Variants in NRXN1 observed in about 807,000 individuals in gnomAD.
NRXN1 encodes the protein neurexin-1.
Under a neutral mutation model 150.9 loss-of-function variants are expected in NRXN1, and 39 were observed. The observed-to-expected ratio is 0.26, with a 90% CI of 0.20 to 0.34. The LOEUF is 0.34. Among genes scored for constraint, NRXN1 ranks in the 10% least tolerant of loss-of-function variants. The probability of loss-of-function intolerance (pLI) is 1.00; values close to 1 mark genes in which losing one functional copy is unlikely to be tolerated. For missense variants in NRXN1, 1,815 were observed against 1,949.9 expected, an observed-to-expected ratio of 0.93 and a Z score of 1.30; for synonymous variants, 924 against 757.0, an observed-to-expected ratio of 1.22 and a Z score of -3.62.
chr2:50,912,028 A>G (rs1684597522), intron 5 of NRXN1, among the ~76,000 whole-genome samples: 1 of 151,874 alleles, frequency 6.6e-6, no homozygotes, highest in Non-Finnish European at 1.5e-5. Flanking sequence ...TTTATTATCA[A>G]AAAAAGTCTT....
At chr2:50,277,871 C>T (rs1042008841) in intron 17 of NRXN1, among the ~76,000 whole-genome samples, 5 of 151,752 alleles carry the variant, frequency 3.3e-5, no homozygotes, top group Non-Finnish European at 7.4e-5. Flanking sequence ...ATACAATCTA[C>T]CTTGATCAGA....
intron 17 of NRXN1, among the ~76,000 whole-genome samples, chr2:50,410,970 G>T (rs998505455): frequency 1.3e-5 from 2 of 152,166 alleles, no homozygotes; most frequent in East Asian, 1.9e-4. Flanking sequence ...AAACATTTGC[G>T]TGTTTCCTTT....
chr2:50,404,497 CAA>C, intron 17 of NRXN1, among the ~76,000 whole-genome samples: 1 of 152,164 alleles, frequency 6.6e-6, no homozygotes, highest in East Asian at 1.9e-4. Context: ...ATTTAAGACA[CAA>C]AGAGTTTTAG....
chr2:50,178,432 C>G lies in NRXN1; in HGVS notation c.3546+58357G>C, dbSNP rs530389414. On this transcript the variant is annotated intron_variant, in intron 18 of 22. Transcript: ENST00000401669. ...TTCTTCATTAAAAGTCAATTCTTGC[C>G]AACTTTTTCATGCTACTTTTTTTCT... 2.6e-5 allele frequency among the ~76,000 whole-genome samples: 4 copies of G among 152,062 alleles called. No individual in the cohort carries two copies. The East Asian group carries it at 7.8e-4, about 30-fold the overall frequency.
At chr2:50,179,602 T>C (rs2060571917) in intron 18 of NRXN1, among the ~76,000 whole-genome samples, 1 of 152,140 alleles carries the variant, frequency 6.6e-6, no homozygotes, top group Non-Finnish European at 1.5e-5. Flanking sequence ...ACAGGAGCTT[T>C]TGTGAATTCA....
At position 50,045,562 on chromosome 2, in the gene NRXN1, G is replaced by A. The variant is rs561294052; in HGVS notation, c.4128+7709C>T. Among the ~76,000 whole-genome samples, 18 of 152,176 alleles carry A rather than the reference G, an allele frequency of 1.2e-4. No homozygotes were observed. In the South Asian group the frequency reaches 3.7e-3, roughly 32 times the overall value. ...CCCTCACAGACAATGATTATTATATGTAAGAGATGAATAAATCAACAGGTG... is the reference window on the plus strand; with the variant it reads ...CCCTCACAGACAATGATTATTATATATAAGAGATGAATAAATCAACAGGTG... On this transcript the variant is annotated intron_variant, in intron 21 of 22. Transcript: ENST00000401669.
chr2:50,985,919 G>A (rs1169369682), intron 2 of NRXN1, among the ~76,000 whole-genome samples: 1 of 151,574 alleles, frequency 6.6e-6, no homozygotes, highest in Non-Finnish European at 1.5e-5. Context: ...TATATAAAAA[G>A]ATTCTACAAC....
intron 21 of NRXN1, among the ~76,000 whole-genome samples, chr2:49,966,164 C>T (rs573503774): frequency 2.0e-5 from 3 of 152,130 alleles, no homozygotes; most frequent in African/African-American, 2.4e-5. Flanking sequence ...ACAAGGGGAA[C>T]GAGCAGTATA....
chr2:50,753,315 G>C (rs950698330), intron 5 of NRXN1, among the ~76,000 whole-genome samples: 8 of 152,034 alleles, frequency 5.3e-5, no homozygotes, highest in South Asian at 2.1e-4. Flanking sequence ...GCACTGGAGA[G>C]GAACAGGTTT....
intron 17 of NRXN1, among the ~76,000 whole-genome samples, chr2:50,388,088 G>A (rs942898752): frequency 2.0e-5 from 3 of 152,096 alleles, no homozygotes; most frequent in South Asian, 2.1e-4. Flanking sequence ...CAGATTTAAG[G>A]TACATGCTGA....
At chr2:50,916,177 G>T (rs528937949) in intron 5 of NRXN1, among the ~76,000 whole-genome samples, 1 of 150,250 alleles carries the variant, frequency 6.7e-6, no homozygotes, top group Admixed American at 6.7e-5. Flanking sequence ...TCTCCTTAAG[G>T]TTGGCTATTC....
chr2:49,987,862 CA>C (rs1681204643), intron 21 of NRXN1, among the ~76,000 whole-genome samples: 1 of 151,206 alleles, frequency 6.6e-6, no homozygotes. Context: ...CCTAACATAT[CA>C]GGCAATATTT....
chr2:50,632,371 A>G (rs957819039), intron 5 of NRXN1: 1 of 152,058 alleles, frequency 6.6e-6, no homozygotes, highest in Non-Finnish European at 1.5e-5. Flanking sequence ...GGAAGGCAAG[A>G]GCAGAGGAAA....
At position 50,836,800 on chromosome 2, in the gene NRXN1, G is replaced by A. The variant is rs1289324546; in HGVS notation, c.832+85069C>T. Among the ~76,000 whole-genome samples the A allele has an allele frequency of 3.6e-4, 51 of 143,628 alleles. 1 individual carries two copies. 94.2% of individuals were successfully genotyped at this position (143,628 alleles called of 152,430 possible). On this transcript the variant is annotated intron_variant, in intron 5 of 22. Transcript: ENST00000401669. The stretch of plus-strand genomic sequence containing the variant: ...AACTCTTTAGATTCTTATATCCTTA[G>A]TATATGAGAAATATTTAAATCAATA...
At chr2:49,967,865 G>C (rs927751831) in intron 21 of NRXN1, among the ~76,000 whole-genome samples, 1 of 151,930 alleles carries the variant, frequency 6.6e-6, no homozygotes, top group Non-Finnish European at 1.5e-5. Flanking sequence ...TCTAGCCTGA[G>C]GTTTTGTAAA....
intron 5 of NRXN1, among the ~76,000 whole-genome samples, chr2:50,675,518 A>G (rs2104758337): frequency 6.6e-6 from 1 of 152,264 alleles, no homozygotes; most frequent in East Asian, 1.9e-4. Flanking sequence ...AGGAAGAAAG[A>G]AGCATTTGCA....
At chr2:50,494,819 G>A (rs1397875025) in intron 15 of NRXN1, among the ~76,000 whole-genome samples, 3 of 152,060 alleles carry the variant, frequency 2.0e-5, no homozygotes, top group South Asian at 4.2e-4. Flanking sequence ...GATCACCTGA[G>A]GTCAGGAGTT....
intron 22 of NRXN1, among the ~76,000 whole-genome samples, chr2:49,930,225 G>C (rs1248768600): frequency 6.6e-6 from 1 of 151,998 alleles, no homozygotes; most frequent in Non-Finnish European, 1.5e-5. Context: ...GTAGACTATG[G>C]AATAAAGTCA....
At chr2:50,534,857 T>A (rs1349001426) in intron 10 of NRXN1, among the ~76,000 whole-genome samples, 6 of 152,158 alleles carry the variant, frequency 3.9e-5, no homozygotes, top group Non-Finnish European at 8.8e-5. Context: ...GGGCACCTCC[T>A]TTAAGAAATA....
Sources: allele counts gnomAD v4.1 joint callset (sites outside exome capture counted in the v4.1 genomes callset), GRCh38; gene constraint gnomAD v4.1.1; transcripts MANE v1.5; gene names NCBI Gene and HGNC (gene_info 2026-07-23, HGNC 2026-07-21).